The following EYS variants were observed in gnomAD, a reference collection of about 807,000 sequenced individuals.
EYS encodes protein eyes shut homolog.
A neutral mutation model predicts 282.1 loss-of-function variants in EYS; 250 were observed. That is an observed-to-expected ratio of 0.89 (90% CI 0.80 to 0.98). The LOEUF (loss-of-function observed/expected upper bound fraction) is 0.98, where lower values mean the gene tolerates loss of function less well. EYS is among the 50% of genes least tolerant of loss of function. EYS has a pLI of 0.00. For missense variants in EYS, 4,016 were observed against 3,709.0 expected, an observed-to-expected ratio of 1.08 and a Z score of -2.15; for synonymous variants, 1,355 against 1,282.9, an observed-to-expected ratio of 1.06 and a Z score of -1.20.
chr6:63,867,667 T>C (rs1450452578), intron 35 of EYS, among the ~76,000 whole-genome samples: 1 of 152,184 alleles, frequency 6.6e-6, no homozygotes, highest in Non-Finnish European at 1.5e-5. Context: ...AAGTATCAAG[T>C]ATTTTAAGGC....
At chr6:64,092,755 T>C (rs1673707604) in intron 31 of EYS, among the ~76,000 whole-genome samples, 1 of 151,620 alleles carries the variant, frequency 6.6e-6, no homozygotes, top group Non-Finnish European at 1.5e-5. Context: ...CTCTTTAGTC[T>C]AATTAGATCC....
At chr6:64,995,079 G>C (rs1421119208) in intron 14 of EYS, among the ~76,000 whole-genome samples, 1 of 152,064 alleles carries the variant, frequency 6.6e-6, no homozygotes, top group Non-Finnish European at 1.5e-5. Context: ...TGTATGCCTA[G>C]GGCTTTGGGG....
chr6:65,334,850 GTGTT>G (rs1323009421), intron 11 of EYS, 126 bp downstream of exon 11: 4 of 747,794 alleles, frequency 5.3e-6, no homozygotes, highest in African/African-American at 3.5e-5. Context: ...GTATATGTAA[GTGTT>G]TGTTATGGAA....
intron 30 of EYS, among the ~76,000 whole-genome samples, chr6:64,273,423 G>A (rs1768007066): frequency 6.6e-6 from 1 of 151,870 alleles, no homozygotes; most frequent in South Asian, 2.1e-4. Context: ...TGTCCTCAGT[G>A]TTTTTTTCCC....
chr6:64,599,096 G>A (rs1766678924), intron 24 of EYS, among the ~76,000 whole-genome samples: 1 of 152,190 alleles, frequency 6.6e-6, no homozygotes, highest in African/African-American at 2.4e-5. Context: ...ACCAGATAAT[G>A]TGGCTTCTTT....
At chr6:65,661,851 A>C (rs1768011184) in intron 1 of EYS, among the ~76,000 whole-genome samples, 1 of 152,232 alleles carries the variant, frequency 6.6e-6, no homozygotes. Context: ...ATTCTTGGAA[A>C]ATGCATATTA....
At chr6:65,035,097 A>T (rs993694423) in intron 13 of EYS, among the ~76,000 whole-genome samples, 1 of 152,106 alleles carries the variant, frequency 6.6e-6, no homozygotes, top group South Asian at 2.1e-4. Context: ...CATAAACAAC[A>T]CTATAAACAA....
chr6:65,075,422 ATAAC>A (rs1347940191), intron 12 of EYS, among the ~76,000 whole-genome samples: 1 of 152,062 alleles, frequency 6.6e-6, no homozygotes, highest in Admixed American at 6.6e-5. Flanking sequence ...TAACTTATAT[ATAAC>A]TAACTTTTAA....
chr6:64,181,024 G>C (rs949808876), intron 31 of EYS, among the ~76,000 whole-genome samples: 23 of 152,062 alleles, frequency 1.5e-4, no homozygotes, highest in African/African-American at 5.6e-4. Context: ...CCAATGTTTA[G>C]CTACTACTTG....
At chr6:64,001,113 A>C (rs566559967) in intron 33 of EYS, among the ~76,000 whole-genome samples, 91 of 152,358 alleles carry the variant, frequency 6.0e-4, no homozygotes, top group African/African-American at 2.1e-3. Context: ...ATTCTGAGAT[A>C]ATCCGTTGAC....
chr6:64,931,559 T>C (rs1768723667), intron 15 of EYS, among the ~76,000 whole-genome samples: 2 of 152,120 alleles, frequency 1.3e-5, no homozygotes, highest in African/African-American at 4.8e-5. Context: ...AATTAGTTGA[T>C]ATCCAGATGA....
At chr6:63,750,444 C>T (rs976107762) in intron 41 of EYS, among the ~76,000 whole-genome samples, 14 of 152,106 alleles carry the variant, frequency 9.2e-5, no homozygotes, top group African/African-American at 2.9e-4. Flanking sequence ...CCTCTCAAAC[C>T]CTTCTAATCT....
chr6:64,091,017 C>T (rs980996239), intron 31 of EYS, among the ~76,000 whole-genome samples: 25 of 152,258 alleles, frequency 1.6e-4, no homozygotes, highest in Admixed American at 3.3e-4. Flanking sequence ...AGTTTGGCAT[C>T]GAAGACTGTT....
At chr6:63,953,801 C>T (rs941635063) in intron 35 of EYS, among the ~76,000 whole-genome samples, 1 of 152,136 alleles carries the variant, frequency 6.6e-6, no homozygotes, top group African/African-American at 2.4e-5. Flanking sequence ...CAGGGCTGTG[C>T]AATCAGAATT....
chr6:63,829,661 G>C (rs1258896138), intron 36 of EYS, among the ~76,000 whole-genome samples: 1 of 152,192 alleles, frequency 6.6e-6, no homozygotes, highest in East Asian at 1.9e-4. Context: ...ACAAAAGGCA[G>C]CAGAAACTTC....
At chr6:65,300,421 A>AT (rs1317574971) in intron 11 of EYS, among the ~76,000 whole-genome samples, 2 of 151,568 alleles carry the variant, frequency 1.3e-5, no homozygotes, top group Non-Finnish European at 2.9e-5. Context: ...TCTGAAAACT[A>AT]TTTTTTTCTA....
chr6:65,557,195 C>T (rs1424301147), intron 2 of EYS, among the ~76,000 whole-genome samples: 1 of 152,146 alleles, frequency 6.6e-6, no homozygotes, highest in African/African-American at 2.4e-5. Flanking sequence ...GATTTGCTGG[C>T]ACCTGCTAGG....
chr6:64,208,205 C>T (rs1765665884), intron 31 of EYS, among the ~76,000 whole-genome samples: 1 of 152,034 alleles, frequency 6.6e-6, no homozygotes, highest in African/African-American at 2.4e-5. Flanking sequence ...TGTGTCATTC[C>T]TGTGTGTGGG....
chr6:65,431,959 A>T (rs181188784), intron 5 of EYS, among the ~76,000 whole-genome samples: 2 of 152,248 alleles, frequency 1.3e-5, no homozygotes, highest in East Asian at 3.9e-4. Context: ...GGAGGTTGTT[A>T]TTGTACATTT....
Sources: gnomAD v4.1 joint callset for allele counts (sites outside exome capture counted in the v4.1 genomes callset) on GRCh38, gnomAD v4.1.1 for gene constraint, MANE v1.5 for transcripts, NCBI Gene and HGNC (gene_info 2026-07-23, HGNC 2026-07-21) for gene names.